Variants in HTR1F observed in about 807,000 individuals in gnomAD.
HTR1F encodes 5-hydroxytryptamine receptor 1F.
HTR1F carries 17 observed loss-of-function variants against 24.0 expected under a neutral mutation model. That is an observed-to-expected ratio of 0.71 (90% CI 0.48 to 1.06). The LOEUF (loss-of-function observed/expected upper bound fraction) is 1.06. HTR1F is among the 50% of genes least tolerant of loss of function. HTR1F has a pLI of 0.00. For synonymous variants in HTR1F, 186 were observed against 156.8 expected, an observed-to-expected ratio of 1.19 and a Z score of -1.39; for missense variants, 391 against 427.8, an observed-to-expected ratio of 0.91 and a Z score of 0.76.
intron 2 of HTR1F, among the ~76,000 whole-genome samples, chr3:87,916,309 G>GAAAAAAAAAAAAAAAAA (rs34801984): frequency 3.2e-4 from 35 of 111,012 alleles, no homozygotes; most frequent in South Asian, 1.0e-3. Flanking sequence ...AAGCAAAAAA[G>GAAAAAAAAAAAAAAAAA]AAAAAAAAAA....
chr3:87,829,728 A>G (rs1307936786), intron 2 of HTR1F, among the ~76,000 whole-genome samples: 2 of 152,240 alleles, frequency 1.3e-5, no homozygotes, highest in Non-Finnish European at 2.9e-5. Context: ...GAGATAATAT[A>G]TAGGTCTTCC....
intron 2 of HTR1F, among the ~76,000 whole-genome samples, chr3:87,976,000 G>GT (rs1438646414): frequency 6.6e-6 from 1 of 152,166 alleles, no homozygotes; most frequent in Non-Finnish European, 1.5e-5. Context: ...CAAGCCATGA[G>GT]TGCCCGATAA....
At chr3:87,978,161 C>T (rs1417201378) in intron 2 of HTR1F, among the ~76,000 whole-genome samples, 3 of 152,124 alleles carry the variant, frequency 2.0e-5, no homozygotes, top group Non-Finnish European at 2.9e-5. Flanking sequence ...CCATTGTGGG[C>T]ACCCACCTCT....
intron 2 of HTR1F, among the ~76,000 whole-genome samples, chr3:87,961,544 T>G (rs1705060278): frequency 6.6e-6 from 1 of 152,026 alleles, no homozygotes; most frequent in Non-Finnish European, 1.5e-5. Flanking sequence ...GGAGGATCAC[T>G]TGAAGGCTGG....
At chr3:87,990,241 T>C (rs745573166) in intron 2 of HTR1F, among the ~76,000 whole-genome samples, 19 of 152,212 alleles carry the variant, frequency 1.2e-4, no homozygotes, top group Non-Finnish European at 2.2e-4. Context: ...AAACTCTTGG[T>C]GGGCTCTTTG....
chr3:87,919,111 C>T (rs752324953), intron 2 of HTR1F, among the ~76,000 whole-genome samples: 2 of 151,982 alleles, frequency 1.3e-5, no homozygotes, highest in Non-Finnish European at 2.9e-5. Context: ...CAAACAAAAA[C>T]ATAAAGTGGA....
intron 2 of HTR1F, among the ~76,000 whole-genome samples, chr3:87,873,190 A>G (rs1705598436): frequency 6.6e-6 from 1 of 151,930 alleles, no homozygotes; most frequent in African/African-American, 2.4e-5. Context: ...GAGGCCAAAA[A>G]GTGCCATTAT....
intron 2 of HTR1F, among the ~76,000 whole-genome samples, chr3:87,893,404 T>G (rs1227804738): frequency 6.6e-6 from 1 of 152,150 alleles, no homozygotes; most frequent in Non-Finnish European, 1.5e-5. Flanking sequence ...AGCAATATAT[T>G]AATTAATTTT....
chr3:87,914,339 G>A (rs948507183), intron 2 of HTR1F, among the ~76,000 whole-genome samples: 1 of 152,170 alleles, frequency 6.6e-6, no homozygotes, highest in Non-Finnish European at 1.5e-5. Flanking sequence ...TGATCGAGAA[G>A]CCTCCTGGCC....
chr3:87,818,254 C>A (rs866588732), intron 1 of HTR1F, among the ~76,000 whole-genome samples: 34 of 152,098 alleles, frequency 2.2e-4, no homozygotes, highest in Middle Eastern at 6.8e-3. Flanking sequence ...TGATACAAAT[C>A]AACATAGATA....
Position 87,931,026 on chromosome 3 carries a change from CTTTTTTTT to C in HTR1F, c.-42-59669_-42-59662del, listed in dbSNP as rs34617109. Among the ~76,000 whole-genome samples, 272 of 131,790 alleles carry C rather than the reference CTTTTTTTT, an allele frequency of 2.1e-3. 2 individuals carry two copies. The highest frequency in any genetic ancestry group is 8.9e-3 in the Middle Eastern group (2 of 224). 86.5% of individuals were successfully genotyped at this position (131,790 alleles called of 152,430 possible). A position where few individuals can be genotyped will look rare whatever the true frequency, so the allele number is the denominator to read the frequency against. On this transcript the variant is annotated intron_variant, in intron 2 of 2. Transcript: ENST00000319595. Reference sequence around the variant, plus strand: ...ACAGCATACTGTGCCATAGTCTTTCCTTTTTTTTTTTTTTTTTTTTACTTTTTTTATTG... The same window carrying C: ...ACAGCATACTGTGCCATAGTCTTTCCTTTTTTTTTTTTACTTTTTTTATTG...
intron 2 of HTR1F, among the ~76,000 whole-genome samples, chr3:87,827,230 C>T (rs1704483552): frequency 6.6e-6 from 1 of 151,624 alleles, no homozygotes. Context: ...TTGACCCATC[C>T]TCTAAGTTTC....
chr3:87,924,328 A>G lies in HTR1F; in HGVS notation c.-42-66380A>G, dbSNP rs1604698. Among the ~76,000 whole-genome samples the G allele has an allele frequency of 5.4e-3, 825 of 152,200 alleles. 4 individuals carry two copies. Among genetic ancestry groups the G allele is most frequent in the African/African-American group, 0.019 (787 of 41,552 alleles). On this transcript the variant is annotated intron_variant, in intron 2 of 2. Coordinates refer to ENST00000319595, the MANE Select transcript of HTR1F (RefSeq NM_001322209.2). ...GTAAGGTTCTTATTGATAGGTTAAGACTTGTATAATTTCATTAATTATTTT... is the reference window on the plus strand; with the variant it reads ...GTAAGGTTCTTATTGATAGGTTAAGGCTTGTATAATTTCATTAATTATTTT...
chr3:87,847,253 T>C (rs1396351015), intron 2 of HTR1F, among the ~76,000 whole-genome samples: 1 of 151,896 alleles, frequency 6.6e-6, no homozygotes, highest in Admixed American at 6.6e-5. Context: ...TTTAATCTTA[T>C]ATTTTTGCAG....
At chr3:87,892,980 A>G (rs141366003) in intron 2 of HTR1F, among the ~76,000 whole-genome samples, 1 of 152,028 alleles carries the variant, frequency 6.6e-6, no homozygotes, top group Admixed American at 6.6e-5. Context: ...AAAAGAAAAA[A>G]ATATATATAT....
At chr3:87,902,479 C>T (rs1461958326) in intron 2 of HTR1F, among the ~76,000 whole-genome samples, 1 of 152,022 alleles carries the variant, frequency 6.6e-6, no homozygotes, top group African/African-American at 2.4e-5. Context: ...AGGTAACGTA[C>T]TTCATGACCT....
At position 87,991,972 on chromosome 3, in the gene HTR1F, A is replaced by C; in HGVS notation, c.*122A>C. The C allele has an allele frequency of 2.7e-6, 2 of 742,182 alleles. No individual in the cohort carries two copies. Among genetic ancestry groups the C allele is most frequent in the Non-Finnish European group, 4.2e-6 (2 of 473,024 alleles). The allele number at this position is 742,182 out of a possible 1,614,324, so 46.0% of individuals were successfully genotyped here. A position where few individuals can be genotyped will look rare whatever the true frequency, so the allele number is the denominator to read the frequency against. Reference sequence around the variant, plus strand: ...ATACATGAAAACTGCTAAATTGATAAGGCTATAATTTATATTTTAATAGCA... The same window carrying C: ...ATACATGAAAACTGCTAAATTGATACGGCTATAATTTATATTTTAATAGCA... On this transcript the variant is annotated 3_prime_UTR_variant, in exon 3 of 3. Coordinates refer to ENST00000319595, the MANE Select transcript of HTR1F (RefSeq NM_001322209.2).
intron 2 of HTR1F, among the ~76,000 whole-genome samples, chr3:87,963,758 G>T (rs777596696): frequency 5.9e-5 from 9 of 152,056 alleles, no homozygotes; most frequent in Non-Finnish European, 7.4e-5. Context: ...GCACCTGAGG[G>T]TTAGAGATCT....
intron 2 of HTR1F, among the ~76,000 whole-genome samples, chr3:87,923,157 G>C (rs1225144707): frequency 2.0e-5 from 3 of 151,942 alleles, no homozygotes; most frequent in Non-Finnish European, 2.9e-5. Flanking sequence ...TGTTGTTTTG[G>C]TTACTATAGC....
Sources: gnomAD v4.1 joint callset for allele counts (sites outside exome capture counted in the v4.1 genomes callset) on GRCh38, gnomAD v4.1.1 for gene constraint, MANE v1.5 for transcripts, NCBI Gene and HGNC (gene_info 2026-07-23, HGNC 2026-07-21) for gene names.